The following CAB39L variants were observed in gnomAD, a reference collection of about 807,000 sequenced individuals.
CAB39L encodes the protein calcium-binding protein 39-like.
A neutral mutation model predicts 39.1 loss-of-function variants in CAB39L; 23 were observed. The ratio of observed to expected loss-of-function variants is 0.59; its 90% CI spans 0.42 to 0.83. CAB39L has a LOEUF of 0.83. Among genes scored for constraint, CAB39L ranks in the 40% least tolerant of loss-of-function variants. The pLI is 0.00. For synonymous variants in CAB39L, 126 were observed against 137.2 expected (o/e 0.92, Z 0.57); for missense variants, 366 against 391.9 (o/e 0.93, Z 0.56).
intron 5 of CAB39L, among the ~76,000 whole-genome samples, chr13:49,373,591 T>G (rs1032087416): frequency 1.3e-5 from 2 of 152,192 alleles, no homozygotes; most frequent in Admixed American, 6.5e-5. Flanking sequence ...TCTAAACAAT[T>G]TACTGATTCC....
At chr13:49,418,438 G>T (rs528948586) in intron 3 of CAB39L, among the ~76,000 whole-genome samples, 110 of 152,226 alleles carry the variant, frequency 7.2e-4, no homozygotes, top group African/African-American at 2.5e-3. Context: ...AAGATGAAAG[G>T]GTTCTAAAAT....
At chr13:49,347,957 G>A (rs1001403036) in intron 7 of CAB39L, among the ~76,000 whole-genome samples, 4 of 151,414 alleles carry the variant, frequency 2.6e-5, no homozygotes, top group Non-Finnish European at 5.9e-5. Context: ...TCCGCCTCTC[G>A]TTAACTCCCC....
At chr13:49,443,207 G>C (rs981437643) in intron 1 of CAB39L, among the ~76,000 whole-genome samples, 2 of 151,814 alleles carry the variant, frequency 1.3e-5, no homozygotes, top group African/African-American at 4.8e-5. Context: ...TCCATGAAGT[G>C]ACCAAGCATG....
In CAB39L at chr13:49,310,809, G is replaced by A. The variant is rs1310605629; in HGVS notation, c.*5C>T. The A allele has an allele frequency of 8.1e-6, 13 of 1,613,146 alleles. No homozygotes were observed. Among genetic ancestry groups the A allele is most frequent in the African/African-American group, 2.7e-5 (2 of 74,840 alleles). On this transcript the variant is annotated 3_prime_UTR_variant, in exon 11 of 11. Transcript: ENST00000409308. The stretch of plus-strand genomic sequence containing the variant: ...GACTGACTGTGACAGGGGCCGGGGA[G>A]CTCTTCAAGGGGCCGTTTTCTTCAA...
chr13:49,354,580 G>A (rs1276978985), intron 6 of CAB39L, among the ~76,000 whole-genome samples: 2 of 152,178 alleles, frequency 1.3e-5, no homozygotes, highest in Non-Finnish European at 1.5e-5. Flanking sequence ...CCTAATTACT[G>A]CATTTTCCAC....
chr13:49,333,818 C>T (rs1482904280), intron 9 of CAB39L, among the ~76,000 whole-genome samples: 2 of 151,754 alleles, frequency 1.3e-5, no homozygotes, highest in African/African-American at 2.4e-5. Context: ...GTGATCCATC[C>T]GCCTCGGCCT....
intron 5 of CAB39L, among the ~76,000 whole-genome samples, chr13:49,362,288 T>C (rs1955657893): frequency 6.6e-6 from 1 of 152,024 alleles, no homozygotes; most frequent in Non-Finnish European, 1.5e-5. Flanking sequence ...AATAGAGATA[T>C]ATGACCTTTC....
At position 49,393,811 on chromosome 13, in the gene CAB39L, T is replaced by G. The variant is rs139835689; in HGVS notation, c.-31-10870A>C. Among the ~76,000 whole-genome samples, 1,323 of 152,078 alleles carry G rather than the reference T, an allele frequency of 8.7e-3. 14 individuals are homozygous for G. Among genetic ancestry groups the G allele is most frequent in the African/African-American group, 0.029 (1,213 of 41,544 alleles). ...TGTCCAAAAAAATTTTTTTGGTATC[T>G]AAATTTAGTCAAGAATACTAAATAA... On this transcript the variant is annotated intron_variant, in intron 3 of 10. Coordinates refer to ENST00000409308, the MANE Select transcript of CAB39L (RefSeq NM_001079670.3).
chr13:49,405,120 A>G (rs1956844436), intron 3 of CAB39L, among the ~76,000 whole-genome samples: 1 of 152,168 alleles, frequency 6.6e-6, no homozygotes, highest in Non-Finnish European at 1.5e-5. Context: ...AAACTACCTC[A>G]GGACATCTAA....
At chr13:49,331,795 ACT>A in intron 10 of CAB39L, 150 bp downstream of exon 10, 4 of 677,540 alleles carry the variant, frequency 5.9e-6, no homozygotes, top group Non-Finnish European at 5.0e-6. Context: ...CATTAAGATA[ACT>A]CTGAAATTTC....
At chr13:49,361,583 A>AAGAG (rs1238254496) in intron 5 of CAB39L, among the ~76,000 whole-genome samples, 1 of 82,024 alleles carries the variant, frequency 1.2e-5, no homozygotes, top group Non-Finnish European at 3.1e-5. Context: ...GAAAGAAAGA[A>AAGAG]AGAGAGAAAG....
intron 3 of CAB39L, among the ~76,000 whole-genome samples, chr13:49,394,241 A>G (rs1291723845): frequency 6.6e-6 from 1 of 152,056 alleles, no homozygotes; most frequent in Non-Finnish European, 1.5e-5. Context: ...AAACATACAG[A>G]TAAGTGAAAA....
At chr13:49,409,796 T>C (rs1956951981) in intron 3 of CAB39L, among the ~76,000 whole-genome samples, 1 of 151,828 alleles carries the variant, frequency 6.6e-6, no homozygotes, top group Non-Finnish European at 1.5e-5. Flanking sequence ...CACATGTGGC[T>C]GGGCACAGTG....
chr13:49,407,831 C>A, intron 3 of CAB39L, among the ~76,000 whole-genome samples: 1 of 138,924 alleles, frequency 7.2e-6, no homozygotes. Context: ...AGTTCAAGAC[C>A]AGCCTGAGCA....
intron 2 of CAB39L, among the ~76,000 whole-genome samples, chr13:49,433,607 T>A (rs182330285): frequency 6.6e-6 from 1 of 152,166 alleles, no homozygotes; most frequent in Non-Finnish European, 1.5e-5. Context: ...GAAAAATATA[T>A]TTATCATCAA....
intron 9 of CAB39L, among the ~76,000 whole-genome samples, chr13:49,332,560 T>A (rs1305937992): frequency 6.6e-6 from 1 of 152,110 alleles, no homozygotes; most frequent in Non-Finnish European, 1.5e-5. Context: ...TAAAACCTGA[T>A]ATAAAGTCAG....
intron 3 of CAB39L, among the ~76,000 whole-genome samples, chr13:49,388,963 G>C (rs558989811): frequency 6.6e-6 from 1 of 152,202 alleles, no homozygotes; most frequent in East Asian, 1.9e-4. Context: ...CAACAAAAGC[G>C]GGGGAACATG....
intron 3 of CAB39L, among the ~76,000 whole-genome samples, chr13:49,411,432 A>AT (rs1956988546): frequency 6.6e-6 from 1 of 150,380 alleles, no homozygotes; most frequent in African/African-American, 2.4e-5. Flanking sequence ...AAAAAAGAAA[A>AT]TCCCCCACCT....
chr13:49,396,580 C>A (rs565087377), intron 3 of CAB39L, among the ~76,000 whole-genome samples: 1 of 151,778 alleles, frequency 6.6e-6, no homozygotes, highest in Non-Finnish European at 1.5e-5. Context: ...TGGTGGCAGG[C>A]GCCTGTAATC....
Sources: allele counts gnomAD v4.1 joint callset (sites outside exome capture counted in the v4.1 genomes callset), GRCh38; gene constraint gnomAD v4.1.1; transcripts MANE v1.5; gene names NCBI Gene and HGNC (gene_info 2026-07-23, HGNC 2026-07-21).